The following PLEKHA2 variants were observed in gnomAD, a reference collection of about 807,000 sequenced individuals.
PLEKHA2 encodes pleckstrin homology domain containing A2, also known as pleckstrin homology domain-containing family A member 2.
PLEKHA2 carries 28 observed loss-of-function variants against 53.2 expected under a neutral mutation model. That is an observed-to-expected ratio of 0.53 (90% CI 0.39 to 0.72). The LOEUF (loss-of-function observed/expected upper bound fraction) is 0.72, where lower values mean the gene tolerates loss of function less well. PLEKHA2 is among the 30% of genes least tolerant of loss of function. The probability of loss-of-function intolerance (pLI) is 0.00; values close to 1 mark genes in which losing one functional copy is unlikely to be tolerated. For synonymous variants in PLEKHA2, 193 were observed against 196.4 expected, an observed-to-expected ratio of 0.98 and a Z score of 0.14; for missense variants, 426 against 537.9, an observed-to-expected ratio of 0.79 and a Z score of 2.06.
At chr8:38,918,808 C>A (rs575322848) in intron 2 of PLEKHA2, among the ~76,000 whole-genome samples, 106 of 152,218 alleles carry the variant, frequency 7.0e-4, no homozygotes, top group Non-Finnish European at 8.7e-4. Flanking sequence ...ACTATACACA[C>A]CCATCCACAC....
intron 9 of PLEKHA2, among the ~76,000 whole-genome samples, chr8:38,955,140 G>A (rs1191717756): frequency 6.6e-6 from 1 of 152,194 alleles, no homozygotes; most frequent in East Asian, 1.9e-4. Flanking sequence ...TGATTTCTGA[G>A]ATTGTGGTGC....
At chr8:38,962,631 G>A (rs1835059638) in intron 10 of PLEKHA2, among the ~76,000 whole-genome samples, 1 of 152,254 alleles carries the variant, frequency 6.6e-6, no homozygotes, top group Non-Finnish European at 1.5e-5. Context: ...TACCAGGCAA[G>A]TAGAGGTCAC....
intron 5 of PLEKHA2, 158 bp from the exon 6 acceptor site, chr8:38,950,692 A>G: frequency 1.3e-6 from 1 of 798,788 alleles, no homozygotes; most frequent in South Asian, 2.0e-5. Context: ...TGAGATGCTC[A>G]TATTCAGATT....
chr8:38,925,278 A>G (rs902485292), intron 2 of PLEKHA2, among the ~76,000 whole-genome samples: 1 of 152,172 alleles, frequency 6.6e-6, no homozygotes, highest in Admixed American at 6.5e-5. Context: ...GATAGAGGAG[A>G]TGAAATTCCT....
intron 10 of PLEKHA2, among the ~76,000 whole-genome samples, chr8:38,966,907 C>A (rs532910580): frequency 6.6e-6 from 1 of 151,946 alleles, no homozygotes; most frequent in Admixed American, 6.6e-5. Flanking sequence ...TATTGTGCAT[C>A]GTACGCATCA....
chr8:38,940,900 A>G (rs956028003), intron 3 of PLEKHA2, among the ~76,000 whole-genome samples: 4 of 151,704 alleles, frequency 2.6e-5, no homozygotes, highest in South Asian at 2.1e-4. Context: ...GCTATTATAT[A>G]TATATATAAA....
At chr8:38,942,600 G>A (rs1741292327) in intron 3 of PLEKHA2, among the ~76,000 whole-genome samples, 1 of 152,168 alleles carries the variant, frequency 6.6e-6, no homozygotes, top group Non-Finnish European at 1.5e-5. Flanking sequence ...AATAGTCCCC[G>A]GCCTAGGACC....
intron 1 of PLEKHA2, among the ~76,000 whole-genome samples, chr8:38,916,401 T>A (rs1032582310): frequency 1.3e-5 from 2 of 152,144 alleles, no homozygotes; most frequent in Admixed American, 1.3e-4. Flanking sequence ...CCATCCCCAT[T>A]TCCCCCCAGC....
At chr8:38,914,492 G>A (rs1175200220) in intron 1 of PLEKHA2, among the ~76,000 whole-genome samples, 3 of 152,254 alleles carry the variant, frequency 2.0e-5, no homozygotes, top group Non-Finnish European at 2.9e-5. Context: ...CTGACCCAGC[G>A]TCCCGTTGTG....
chr8:38,912,753 G>T (rs1357390698), intron 1 of PLEKHA2, among the ~76,000 whole-genome samples: 1 of 152,192 alleles, frequency 6.6e-6, no homozygotes, highest in East Asian at 1.9e-4. Flanking sequence ...TTCATGTTGT[G>T]TGCAGCATCT....
chr8:38,924,318 A>T (rs947923103), intron 2 of PLEKHA2, among the ~76,000 whole-genome samples: 5 of 152,176 alleles, frequency 3.3e-5, no homozygotes, highest in African/African-American at 1.2e-4. Flanking sequence ...CCCCAGAAGA[A>T]GACCCTGAGA....
rs1834219158 is a variant in PLEKHA2, at chr8:38,922,959, G to T, written c.141+4889G>T. Among the ~76,000 whole-genome samples, 1 of 152,162 alleles carries T rather than the reference G, an allele frequency of 6.6e-6. No individual in the cohort carries two copies. The highest frequency in any genetic ancestry group is 2.4e-5 in the African/African-American group (1 of 41,450). ...CTCCTCCCACTGACCTCTGTGCTCA[G>T]CCCGTGCAAGGTCTTGTAGATGATG... On this transcript the variant is annotated intron_variant, in intron 2 of 11. Transcript: ENST00000617275. This position sits in a 1 kb window ranked among gnomAD's most constrained non-coding sequence, Gnocchi z 4.0.
chr8:38,972,887 A>T lies in PLEKHA2; in HGVS notation c.*3104A>T, dbSNP rs141851184. 33 of 152,174 alleles carry T rather than the reference A, an allele frequency of 2.2e-4. No individual in the cohort carries two copies. In the East Asian group the frequency reaches 6.2e-3, roughly 28 times the overall value. 9.4% of individuals were successfully genotyped at this position (152,174 alleles called of 1,614,324 possible). On this transcript the variant is annotated 3_prime_UTR_variant, in exon 12 of 12. Transcript: ENST00000617275. Reference sequence around the variant, plus strand: ...GAAGTGGTCTTGACCCACTGTGTGTAACAGTATTTCAGGTGGTCCTCCCCA... The same window carrying T: ...GAAGTGGTCTTGACCCACTGTGTGTTACAGTATTTCAGGTGGTCCTCCCCA...
intron 11 of PLEKHA2, 73 bp downstream of exon 11, chr8:38,968,742 G>A (rs763271911): frequency 1.9e-4 from 283 of 1,522,454 alleles, no homozygotes; most frequent in Non-Finnish European, 2.4e-4. Context: ...TGTTTTATTT[G>A]GTGATGTAGG....
chr8:38,960,322 G>A (rs989500953), intron 10 of PLEKHA2, among the ~76,000 whole-genome samples: 1 of 152,102 alleles, frequency 6.6e-6, no homozygotes, highest in Non-Finnish European at 1.5e-5. Flanking sequence ...ATTAAAAATA[G>A]CAACTATCAA....
At chr8:38,965,107 A>G (rs944707159) in intron 10 of PLEKHA2, among the ~76,000 whole-genome samples, 1 of 152,176 alleles carries the variant, frequency 6.6e-6, no homozygotes, top group African/African-American at 2.4e-5. Context: ...CGGGGAAAAA[A>G]TAACAAATTG....
intron 10 of PLEKHA2, 98 bp from the exon 11 acceptor site, chr8:38,968,494 A>G: frequency 8.7e-7 from 1 of 1,143,990 alleles, no homozygotes. Flanking sequence ...TTCTACCCCT[A>G]ATGGTGTAAT....
chr8:38,967,850 C>T (rs1189711900), intron 10 of PLEKHA2, among the ~76,000 whole-genome samples: 12 of 151,950 alleles, frequency 7.9e-5, no homozygotes, highest in African/African-American at 2.7e-4. Context: ...TTAGTAGAGA[C>T]GGGGTTTCAC....
At chr8:38,929,602 G>A (rs1254461327) in intron 2 of PLEKHA2, among the ~76,000 whole-genome samples, 1 of 152,232 alleles carries the variant, frequency 6.6e-6, no homozygotes, top group African/African-American at 2.4e-5. Context: ...TTCTTCATCT[G>A]TGAAATGGGA....
Sources: allele counts gnomAD v4.1 joint callset (sites outside exome capture counted in the v4.1 genomes callset), GRCh38; gene constraint gnomAD v4.1.1; non-coding constraint Gnocchi (gnomAD v3.1); transcripts MANE v1.5; gene names NCBI Gene and HGNC (gene_info 2026-07-23, HGNC 2026-07-21).